Variants in PALM2AKAP2 observed in about 807,000 individuals in gnomAD.
The protein encoded by PALM2AKAP2 is PALM2-AKAP2 fusion protein.
Under a neutral mutation model 71.5 loss-of-function variants are expected in PALM2AKAP2, and 37 were observed. The observed-to-expected ratio is 0.52, with a 90% CI of 0.40 to 0.68. The LOEUF (loss-of-function observed/expected upper bound fraction) is 0.68, where lower values mean the gene tolerates loss of function less well. PALM2AKAP2 is among the 30% of genes least tolerant of loss of function. PALM2AKAP2 has a pLI of 0.00. For synonymous variants in PALM2AKAP2, 468 were observed against 478.8 expected (o/e 0.98, Z 0.29); for missense variants, 1,224 against 1,191.8 (o/e 1.03, Z -0.40).
intron 1 of PALM2AKAP2, among the ~76,000 whole-genome samples, chr9:109,654,441 A>G (rs1827267042): frequency 6.6e-6 from 1 of 152,210 alleles, no homozygotes; most frequent in East Asian, 1.9e-4. Flanking sequence ...TATAAAGACA[A>G]TGCATATTTG....
chr9:109,724,633 C>A (rs1828450531), intron 1 of PALM2AKAP2, among the ~76,000 whole-genome samples: 1 of 152,162 alleles, frequency 6.6e-6, no homozygotes, highest in African/African-American at 2.4e-5. Flanking sequence ...ATGTGCCTGG[C>A]ATTTTTCTAA....
intron 1 of PALM2AKAP2, among the ~76,000 whole-genome samples, chr9:110,110,463 C>T (rs1193457245): frequency 6.6e-6 from 1 of 151,708 alleles, no homozygotes; most frequent in Non-Finnish European, 1.5e-5. Flanking sequence ...GGACCACACT[C>T]CTAACTTTCT....
At chr9:109,760,145 T>C (rs1829029743) in intron 1 of PALM2AKAP2, among the ~76,000 whole-genome samples, 1 of 152,166 alleles carries the variant, frequency 6.6e-6, no homozygotes, top group Non-Finnish European at 1.5e-5. Context: ...AAAAGAATCA[T>C]GCATCCTGTA....
intron 1 of PALM2AKAP2, among the ~76,000 whole-genome samples, chr9:110,069,797 C>T (rs1251500471): frequency 1.3e-5 from 2 of 152,214 alleles, no homozygotes; most frequent in African/African-American, 4.8e-5. Context: ...AGTGAGTCCC[C>T]GTGGTCAGTC....
chr9:109,953,332 GATTTCCT>G (rs1831678181), intron 6 of PALM2AKAP2, among the ~76,000 whole-genome samples: 1 of 152,172 alleles, frequency 6.6e-6, no homozygotes, highest in Non-Finnish European at 1.5e-5. Flanking sequence ...GATAGGGTAG[GATTTCCT>G]TTAATCTCAC....
At chr9:110,091,515 T>G (rs1433539170) in intron 1 of PALM2AKAP2, among the ~76,000 whole-genome samples, 1 of 132,444 alleles carries the variant, frequency 7.6e-6, no homozygotes, top group Non-Finnish European at 1.5e-5. Flanking sequence ...CAGGCTGGGG[T>G]GCAGTAGCAC....
At chr9:109,916,661 C>T (rs1390566457) in intron 3 of PALM2AKAP2, among the ~76,000 whole-genome samples, 2 of 152,214 alleles carry the variant, frequency 1.3e-5, no homozygotes, top group Non-Finnish European at 2.9e-5. Flanking sequence ...TCATCATCTA[C>T]TTTGTCGAGT....
At chr9:109,821,748 T>C (rs1645112363) in intron 1 of PALM2AKAP2, among the ~76,000 whole-genome samples, 1 of 152,168 alleles carries the variant, frequency 6.6e-6, no homozygotes, top group Admixed American at 6.5e-5. Context: ...TGCCCTGTGC[T>C]GCCCAAGGCT....
intron 3 of PALM2AKAP2, among the ~76,000 whole-genome samples, chr9:110,163,715 G>T (rs540613151): frequency 6.6e-6 from 1 of 152,176 alleles, no homozygotes; most frequent in South Asian, 2.1e-4. Flanking sequence ...TGTGGCTCTG[G>T]TTCATTCTTT....
intron 1 of PALM2AKAP2, chr9:110,048,895 C>T (rs1368163970): frequency 2.0e-6 from 3 of 1,484,022 alleles, no homozygotes; most frequent in South Asian, 2.6e-5. Flanking sequence ...CTGGAGTGTC[C>T]TCGAGTGTGA....
chr9:109,726,806 T>C (rs932269176), intron 1 of PALM2AKAP2, among the ~76,000 whole-genome samples: 1 of 152,228 alleles, frequency 6.6e-6, no homozygotes, highest in Non-Finnish European at 1.5e-5. Flanking sequence ...GCTATTCAAA[T>C]TTAAATTAAT....
chr9:110,136,928 G>C (rs139564817), exon 2 of PALM2AKAP2: 1 of 1,614,164 alleles, frequency 6.2e-7, no homozygotes, highest in Non-Finnish European at 8.5e-7. Context: ...CAGCCAGGCC[G>C]TCAAGAAGAA....
rs148568128 is a variant in PALM2AKAP2 at position 110,060,726 on chromosome 9, C to T, written c.156+11871C>T. ...AAGCCATTCTCCTGCCTCAGCCTCC[C>T]GAGTAGCTGAGACTACAGGTACATG... On this transcript the variant is annotated intron_variant, in intron 1 of 3. Coordinates refer to ENST00000374525, the Ensembl canonical transcript of PALM2AKAP2. Among the ~76,000 whole-genome samples, 803 of 152,212 alleles carry T rather than the reference C, an allele frequency of 5.3e-3. 6 individuals are homozygous for T. The highest frequency in any genetic ancestry group is 0.027 in the Middle Eastern group (8 of 294).
At chr9:109,906,668 C>T (rs971149531) in intron 3 of PALM2AKAP2, among the ~76,000 whole-genome samples, 7 of 152,224 alleles carry the variant, frequency 4.6e-5, no homozygotes, top group Non-Finnish European at 1.0e-4. Flanking sequence ...CTTCACCATC[C>T]CTTGCTTGGA....
chr9:110,064,111 A>T lies in PALM2AKAP2; in HGVS notation c.156+15256A>T, dbSNP rs371960521. ...GGAGCTTTTCTAGAACACCTTGCAA[A>T]TCTTGTTGATGGCTTAGATGTTTAC... is the stretch of plus-strand genomic sequence containing the variant. On this transcript the variant is annotated intron_variant, in intron 1 of 3. Transcript: ENST00000374525. Among the ~76,000 whole-genome samples, 103 of 152,216 alleles carry T rather than the reference A, an allele frequency of 6.8e-4. 1 individual carries two copies. Among genetic ancestry groups the T allele is most frequent in the African/African-American group, 2.0e-3 (82 of 41,522 alleles).
rs1184403919 is a variant in PALM2AKAP2 at position 109,691,881 on chromosome 9, C to CAT, written c.5+51035_5+51036dup. The stretch of plus-strand genomic sequence containing the variant: ...ATATATATATATACACACACACACA[C>CAT]ATATATATATATATATATATACACA... On this transcript the variant is annotated intron_variant, in intron 1 of 6. Coordinates refer to the PALM2AKAP2 transcript ENST00000374531. Among the ~76,000 whole-genome samples the CAT allele has an allele frequency of 8.9e-3, 412 of 46,478 alleles. 8 individuals are homozygous for CAT. Among genetic ancestry groups the CAT allele is most frequent in the Non-Finnish European group, 0.016 (345 of 22,150 alleles). The allele number at this position is 46,478 out of a possible 152,430, so 30.5% of individuals were successfully genotyped here.
At chr9:109,665,508 G>A (rs541779957) in intron 1 of PALM2AKAP2, among the ~76,000 whole-genome samples, 24 of 152,274 alleles carry the variant, frequency 1.6e-4, no homozygotes, top group African/African-American at 2.4e-4. Flanking sequence ...CCTGGGTATC[G>A]CCAGCGGAGG....
intron 6 of PALM2AKAP2, among the ~76,000 whole-genome samples, chr9:110,002,494 T>C (rs934420463): frequency 2.0e-5 from 3 of 152,146 alleles, no homozygotes; most frequent in Middle Eastern, 3.4e-3. Context: ...AAAATTCTCT[T>C]TTTTTGTTGT....
chr9:109,673,253 A>G (rs1361634258), intron 1 of PALM2AKAP2, among the ~76,000 whole-genome samples: 1 of 152,030 alleles, frequency 6.6e-6, no homozygotes, highest in Non-Finnish European at 1.5e-5. Context: ...TAATGCTATA[A>G]ATTTCCTCTT....
Sources: allele counts gnomAD v4.1 joint callset (sites outside exome capture counted in the v4.1 genomes callset), GRCh38; gene constraint gnomAD v4.1.1; transcripts MANE v1.5; gene names NCBI Gene and HGNC (gene_info 2026-07-23, HGNC 2026-07-21).